The following AGBL4 variants were observed in gnomAD, a reference collection of about 807,000 sequenced individuals.
The protein encoded by AGBL4 is cytosolic carboxypeptidase 6.
A neutral mutation model predicts 66.4 loss-of-function variants in AGBL4; 58 were observed. The ratio of observed to expected loss-of-function variants is 0.87; its 90% CI spans 0.71 to 1.09. AGBL4 has a LOEUF of 1.09. Ranked by LOEUF, AGBL4 falls within the 50% of genes least tolerant of loss-of-function variation. The pLI, the probability that AGBL4 is intolerant of heterozygous loss-of-function variation, is 0.00. For synonymous variants in AGBL4, 234 were observed against 222.9 expected (o/e 1.05, Z -0.44); for missense variants, 579 against 631.0 (o/e 0.92, Z 0.88).
At chr1:48,745,034 A>G (rs1049749553) in intron 6 of AGBL4, among the ~76,000 whole-genome samples, 1 of 152,184 alleles carries the variant, frequency 6.6e-6, no homozygotes, top group African/African-American at 2.4e-5. Context: ...TTAGCAAATT[A>G]TGTTTGCAAT....
At chr1:48,979,321 G>A (rs1472010992) in intron 5 of AGBL4, among the ~76,000 whole-genome samples, 1 of 152,060 alleles carries the variant, frequency 6.6e-6, no homozygotes, top group African/African-American at 2.4e-5. Context: ...CAACAAATAT[G>A]TATCACGTGC....
intron 5 of AGBL4, among the ~76,000 whole-genome samples, chr1:48,944,751 C>T (rs12097401): frequency 0.038 from 5,741 of 152,190 alleles, 322 homozygotes; most frequent in African/African-American, 0.13. Context: ...CTTGATCAAA[C>T]ATTTTCCTGG....
chr1:48,879,977 G>A (rs1347074785), intron 5 of AGBL4, among the ~76,000 whole-genome samples: 3 of 152,036 alleles, frequency 2.0e-5, no homozygotes, highest in African/African-American at 7.2e-5. Flanking sequence ...TTTAAAAAAT[G>A]TTCATAGGTT....
intron 3 of AGBL4, among the ~76,000 whole-genome samples, chr1:49,695,904 T>C (rs1485894466): frequency 6.6e-6 from 1 of 152,056 alleles, no homozygotes; most frequent in African/African-American, 2.4e-5. Flanking sequence ...CCAGGAATAA[T>C]ATTGTATAGA....
At chr1:48,648,497 G>A (rs2148435394) in intron 8 of AGBL4, among the ~76,000 whole-genome samples, 1 of 152,314 alleles carries the variant, frequency 6.6e-6, no homozygotes, top group South Asian at 2.1e-4. Context: ...CGAGAGAAGT[G>A]TCTTGTCCAA....
At position 48,809,834 on chromosome 1, in the gene AGBL4, A is replaced by G. The variant is rs577676374; in HGVS notation, c.634+57357T>C. Among the ~76,000 whole-genome samples the G allele has an allele frequency of 1.4e-4, 21 of 152,310 alleles. No individual in the cohort carries two copies. In the South Asian group the frequency reaches 4.1e-3, roughly 30 times the overall value. ...TACTTCTGACACACTGTTGGCAAGT[A>G]AGTCCCCTTGTTTCATTGTCTCAAA... On this transcript the variant is annotated intron_variant, in intron 6 of 13. Coordinates refer to ENST00000371839, the MANE Select transcript of AGBL4 (RefSeq NM_032785.4).
At chr1:49,202,233 AATTC>A (rs760756559) in intron 4 of AGBL4, among the ~76,000 whole-genome samples, 6 of 152,188 alleles carry the variant, frequency 3.9e-5, no homozygotes, top group Non-Finnish European at 7.3e-5. Context: ...AATGATGAAT[AATTC>A]ATTCATTATT....
chr1:48,923,979 C>A (rs971829202), intron 5 of AGBL4, among the ~76,000 whole-genome samples: 4 of 152,032 alleles, frequency 2.6e-5, no homozygotes, highest in Non-Finnish European at 4.4e-5. Context: ...CCAAAGGGAC[C>A]CTACCCTGGG....
intron 4 of AGBL4, among the ~76,000 whole-genome samples, chr1:49,155,630 G>A (rs1405395816): frequency 2.0e-5 from 3 of 152,132 alleles, no homozygotes; most frequent in African/African-American, 7.2e-5. Flanking sequence ...AAAAAATAGA[G>A]AAGTGGGCTT....
At chr1:48,884,550 G>C (rs1377827067) in intron 5 of AGBL4, among the ~76,000 whole-genome samples, 1 of 152,062 alleles carries the variant, frequency 6.6e-6, no homozygotes, top group Admixed American at 6.5e-5. Context: ...CCTATATGTG[G>C]GCAGATGGAA....
rs377716413 is a variant in AGBL4 at position 49,041,794 on chromosome 1, A to C, written c.594+3790T>G. On this transcript the variant is annotated intron_variant, in intron 5 of 13. Coordinates refer to ENST00000371839, the MANE Select transcript of AGBL4 (RefSeq NM_032785.4). The stretch of plus-strand genomic sequence containing the variant: ...TCAGGGCTTTCCAGAGTTTTGCCCG[A>C]ATCTTCTTGTCTAGCCTAATCTTCC... Among the ~76,000 whole-genome samples the C allele has an allele frequency of 3.9e-5, 6 of 152,188 alleles. No individual in the cohort carries two copies. The East Asian group carries it at 1.2e-3, about 29-fold the overall frequency.
chr1:49,209,645 G>A (rs1648512283), intron 4 of AGBL4, among the ~76,000 whole-genome samples: 1 of 152,072 alleles, frequency 6.6e-6, no homozygotes, highest in Non-Finnish European at 1.5e-5. Context: ...GGGATTATGA[G>A]TTGAGGACTG....
At chr1:49,370,320 A>C (rs1490340261) in intron 3 of AGBL4, among the ~76,000 whole-genome samples, 1 of 151,954 alleles carries the variant, frequency 6.6e-6, no homozygotes, top group East Asian at 1.9e-4. Flanking sequence ...AGTGGACTAC[A>C]AACTCAGGCA....
chr1:49,484,206 A>G (rs1647015723), intron 3 of AGBL4, among the ~76,000 whole-genome samples: 1 of 152,044 alleles, frequency 6.6e-6, no homozygotes, highest in African/African-American at 2.4e-5. Context: ...TTCAGAAACT[A>G]CAGATAGAGC....
intron 6 of AGBL4, among the ~76,000 whole-genome samples, chr1:48,729,375 G>A (rs1400948494): frequency 1.3e-5 from 2 of 152,126 alleles, no homozygotes; most frequent in Admixed American, 6.5e-5. Context: ...AATGTACCAC[G>A]GGAATGTGTA....
chr1:49,889,845 C>T (rs780948293), intron 1 of AGBL4, among the ~76,000 whole-genome samples: 11 of 151,992 alleles, frequency 7.2e-5, no homozygotes, highest in African/African-American at 2.2e-4. Flanking sequence ...CTCACATTGC[C>T]GAACAAAGTG....
At chr1:49,226,069 A>G (rs1649887306) in intron 4 of AGBL4, among the ~76,000 whole-genome samples, 1 of 152,204 alleles carries the variant, frequency 6.6e-6, no homozygotes, top group Admixed American at 6.5e-5. Flanking sequence ...CTTAGCTGGA[A>G]AGCAGAACTA....
At chr1:49,173,843 G>A (rs930765340) in intron 4 of AGBL4, among the ~76,000 whole-genome samples, 13 of 152,064 alleles carry the variant, frequency 8.5e-5, no homozygotes, top group Admixed American at 4.6e-4. Context: ...AGACCAAGGC[G>A]TAGTTAAGAG....
chr1:49,762,474 G>A (rs111499361), intron 2 of AGBL4, among the ~76,000 whole-genome samples: 107 of 149,594 alleles, frequency 7.2e-4, no homozygotes, highest in Non-Finnish European at 1.2e-3. Context: ...GTGCAGTGCC[G>A]CGATCTTGGC....
Sources: gnomAD v4.1 joint callset for allele counts (sites outside exome capture counted in the v4.1 genomes callset) on GRCh38, gnomAD v4.1.1 for gene constraint, MANE v1.5 for transcripts, NCBI Gene and HGNC (gene_info 2026-07-23, HGNC 2026-07-21) for gene names.